TCERG1L: variants seen among roughly 807,000 people sequenced by gnomAD.
TCERG1L encodes transcription elongation regulator 1 like, also known as transcription elongation regulator 1-like protein.
Under a neutral mutation model 56.3 loss-of-function variants are expected in TCERG1L, and 37 were observed. The ratio of observed to expected loss-of-function variants is 0.66; its 90% CI spans 0.51 to 0.87. The LOEUF (loss-of-function observed/expected upper bound fraction) is 0.87. Among genes scored for constraint, TCERG1L ranks in the 40% least tolerant of loss-of-function variants. TCERG1L has a pLI of 0.00. For synonymous variants in TCERG1L, 324 were observed against 326.3 expected (o/e 0.99, Z 0.08); for missense variants, 799 against 774.2 (o/e 1.03, Z -0.38).
Position 131,201,016 on chromosome 10 carries a change from C to T in TCERG1L, c.857-34131G>A, listed in dbSNP as rs117058908. Among the ~76,000 whole-genome samples the T allele has an allele frequency of 3.6e-3, 545 of 152,254 alleles. 17 individuals carry two copies. In the South Asian group the frequency reaches 0.077, roughly 22 times the overall value. On this transcript the variant is annotated intron_variant, in intron 4 of 11. Transcript: ENST00000368642. ...CCCTCGGGCGGATACAGAATCACGG[C>T]GCCATCTTGGACGTGGAGGGCAGCT...
Position 131,237,086 on chromosome 10 carries a change from C to T in TCERG1L, c.856+23173G>A, listed in dbSNP as rs554265287. ...CTCCACCTCACCCCATGCCCTGCCGCTGCCCCTCCCCTCCTTGCTGGCCTG... is the reference window on the plus strand; with the variant it reads ...CTCCACCTCACCCCATGCCCTGCCGTTGCCCCTCCCCTCCTTGCTGGCCTG... On this transcript the variant is annotated intron_variant, in intron 4 of 11. Transcript: ENST00000368642. Among the ~76,000 whole-genome samples the T allele has an allele frequency of 1.9e-3, 296 of 152,146 alleles. 1 individual carries two copies. Among genetic ancestry groups the T allele is most frequent in the Admixed American group, 4.4e-3 (67 of 15,290 alleles).
chr10:131,226,113 T>C (rs541224858), intron 4 of TCERG1L, among the ~76,000 whole-genome samples: 4 of 152,250 alleles, frequency 2.6e-5, no homozygotes, highest in Admixed American at 2.0e-4. Context: ...AATTTTTAAA[T>C]AGTTTCTTTT....
intron 8 of TCERG1L, among the ~76,000 whole-genome samples, chr10:131,130,267 G>A (rs1226564213): frequency 6.6e-6 from 1 of 152,070 alleles, no homozygotes; most frequent in Non-Finnish European, 1.5e-5. Flanking sequence ...ATGAGAACAG[G>A]CAGGGAAAGA....
intron 6 of TCERG1L, among the ~76,000 whole-genome samples, chr10:131,153,462 C>T (rs1395050303): frequency 6.6e-6 from 1 of 152,168 alleles, no homozygotes; most frequent in East Asian, 1.9e-4. Context: ...CCAGAGTCCT[C>T]GTGGAATGCT....
At chr10:131,216,522 C>T (rs764716024) in intron 4 of TCERG1L, among the ~76,000 whole-genome samples, 2 of 152,142 alleles carry the variant, frequency 1.3e-5, no homozygotes, top group African/African-American at 2.4e-5. Context: ...CTCATCCTTA[C>T]GTATTACATA....
At chr10:131,240,142 G>A (rs962451597) in intron 4 of TCERG1L, among the ~76,000 whole-genome samples, 5 of 152,118 alleles carry the variant, frequency 3.3e-5, no homozygotes, top group African/African-American at 7.2e-5. Flanking sequence ...AGTTATCCCC[G>A]CTGGCTTCCA....
intron 4 of TCERG1L, among the ~76,000 whole-genome samples, chr10:131,184,421 T>C (rs1043053455): frequency 2.0e-5 from 3 of 152,232 alleles, no homozygotes; most frequent in Non-Finnish European, 4.4e-5. Flanking sequence ...ATAAATGGGC[T>C]TGTCAATCTG....
At position 131,308,095 on chromosome 10, in the gene TCERG1L, T is replaced by C. The variant is rs757107622; in HGVS notation, c.670+116A>G. 7.1e-5 allele frequency: 80 copies of C among 1,122,574 alleles called. 1 individual carries two copies. The South Asian group carries it at 8.0e-4, about 11-fold the overall frequency. 69.5% of individuals were successfully genotyped at this position (1,122,574 alleles called of 1,614,324 possible). A position where few individuals can be genotyped will look rare whatever the true frequency, so the allele number is the denominator to read the frequency against. The stretch of plus-strand genomic sequence containing the variant: ...GCTTCATGCTTGTGAAAAGGAATTA[T>C]ATTTTACCAAGATAATTGTTTCATT... On this transcript the variant is annotated intron_variant, in intron 3 of 11. Transcript: ENST00000368642.
chr10:131,154,882 G>T (rs141506526), intron 6 of TCERG1L, among the ~76,000 whole-genome samples: 1 of 152,230 alleles, frequency 6.6e-6, no homozygotes, highest in Non-Finnish European at 1.5e-5. Flanking sequence ...CACCTGCCGC[G>T]TGACTGTGTG....
At position 131,267,980 on chromosome 10, in the gene TCERG1L, C is replaced by T. The variant is rs573594293; in HGVS notation, c.671-7536G>A. ...CTGCCAGGGTTGGCTCCTCTGGGAG[C>T]GAATTGCAGGCCCTGGGCCCAGCTG... is the stretch of plus-strand genomic sequence containing the variant. On this transcript the variant is annotated intron_variant, in intron 3 of 11. Coordinates refer to ENST00000368642, the MANE Select transcript of TCERG1L (RefSeq NM_174937.4). This position sits in a 1 kb window ranked among gnomAD's most constrained non-coding sequence, Gnocchi z 4.9. 2.0e-4 allele frequency among the ~76,000 whole-genome samples: 30 copies of T among 152,276 alleles called. No individual in the cohort carries two copies. Among genetic ancestry groups the T allele is most frequent in the Middle Eastern group, 3.4e-3 (1 of 294 alleles).
At chr10:131,168,174 G>A (rs768637528) in intron 4 of TCERG1L, among the ~76,000 whole-genome samples, 15 of 152,326 alleles carry the variant, frequency 9.8e-5, no homozygotes, top group Admixed American at 2.6e-4. Flanking sequence ...ACACAGGTGC[G>A]TATATGCACA....
chr10:131,246,732 G>A (rs1162587839), intron 4 of TCERG1L, among the ~76,000 whole-genome samples: 2 of 152,174 alleles, frequency 1.3e-5, no homozygotes, highest in Non-Finnish European at 2.9e-5. Context: ...GGTCCAAAGA[G>A]GAGGAATTGG....
chr10:131,182,976 TA>T (rs1845197396), intron 4 of TCERG1L, among the ~76,000 whole-genome samples: 1 of 152,212 alleles, frequency 6.6e-6, no homozygotes, highest in South Asian at 2.1e-4. Flanking sequence ...CGCTAAAGGA[TA>T]AAAACAGTGC....
intron 4 of TCERG1L, among the ~76,000 whole-genome samples, chr10:131,229,959 G>A (rs551929185): frequency 1.3e-4 from 20 of 152,252 alleles, no homozygotes; most frequent in African/African-American, 4.3e-4. Flanking sequence ...GTACAAGGAC[G>A]AGGCAGCTTC....
At chr10:131,255,754 C>T (rs1434786777) in intron 4 of TCERG1L, among the ~76,000 whole-genome samples, 2 of 152,224 alleles carry the variant, frequency 1.3e-5, no homozygotes, top group African/African-American at 4.8e-5. Context: ...AACGCGAGGT[C>T]CCAGGAGCAT....
intron 7 of TCERG1L, among the ~76,000 whole-genome samples, chr10:131,140,314 C>T (rs1229047849): frequency 6.6e-6 from 1 of 152,150 alleles, no homozygotes; most frequent in Non-Finnish European, 1.5e-5. Flanking sequence ...CTCAGCCCCA[C>T]AGGACCCTGC....
At chr10:131,187,128 A>C (rs926608206) in intron 4 of TCERG1L, among the ~76,000 whole-genome samples, 7 of 152,240 alleles carry the variant, frequency 4.6e-5, no homozygotes, top group Non-Finnish European at 1.5e-5. Context: ...CGAGGGAAAT[A>C]GAGAAGTCCA....
chr10:131,186,008 A>T (rs1411356107), intron 4 of TCERG1L, among the ~76,000 whole-genome samples: 1 of 152,262 alleles, frequency 6.6e-6, no homozygotes, highest in Non-Finnish European at 1.5e-5. Flanking sequence ...TATCCAAGCG[A>T]CGGAACATTA....
chr10:131,229,941 G>C (rs777313320), intron 4 of TCERG1L, among the ~76,000 whole-genome samples: 7 of 152,212 alleles, frequency 4.6e-5, no homozygotes, highest in Non-Finnish European at 7.3e-5. Flanking sequence ...TCTCCCTTGT[G>C]TGGCATTGTA....
Sources: gnomAD v4.1 joint callset for allele counts (sites outside exome capture counted in the v4.1 genomes callset) on GRCh38, gnomAD v4.1.1 for gene constraint, Gnocchi (gnomAD v3.1) non-coding constraint, MANE v1.5 for transcripts, NCBI Gene and HGNC (gene_info 2026-07-23, HGNC 2026-07-21) for gene names.